CALCR: variants seen among roughly 807,000 people sequenced by gnomAD.
The protein encoded by CALCR is calcitonin receptor.
CALCR carries 47 observed loss-of-function variants against 59.5 expected under a neutral mutation model. That is an observed-to-expected ratio of 0.79 (90% confidence interval 0.63 to 1.01). The LOEUF is 1.01. Ranked by LOEUF, CALCR falls within the 50% of genes least tolerant of loss-of-function variation. The pLI is 0.00. For synonymous variants in CALCR, 213 were observed against 211.3 expected (o/e 1.01, Z -0.07); for missense variants, 566 against 597.1 (o/e 0.95, Z 0.54).
At chr7:93,455,649 C>G (rs1432227598) in intron 8 of CALCR, among the ~76,000 whole-genome samples, 2 of 151,966 alleles carry the variant, frequency 1.3e-5, no homozygotes, top group Non-Finnish European at 2.9e-5. Context: ...GAATTCTATC[C>G]TAGAAAAGAT....
At chr7:93,498,745 C>G (rs1242076791) in intron 2 of CALCR, among the ~76,000 whole-genome samples, 2 of 151,636 alleles carry the variant, frequency 1.3e-5, no homozygotes, top group Non-Finnish European at 3.0e-5. Context: ...TTCTTAGTCA[C>G]TACATATAGA....
chr7:93,573,433 G>A (rs1238324762), intron 2 of CALCR, among the ~76,000 whole-genome samples: 4 of 152,158 alleles, frequency 2.6e-5, no homozygotes, highest in African/African-American at 9.7e-5. Flanking sequence ...CTTGATTCCG[G>A]TTAACCACAG....
At chr7:93,549,438 C>T (rs944922739) in intron 2 of CALCR, among the ~76,000 whole-genome samples, 6 of 152,082 alleles carry the variant, frequency 3.9e-5, no homozygotes, top group Non-Finnish European at 8.8e-5. Flanking sequence ...TTTCCAGTTT[C>T]CTGAGCATTC....
intron 2 of CALCR, among the ~76,000 whole-genome samples, chr7:93,515,466 A>T (rs943764438): frequency 6.6e-6 from 1 of 152,024 alleles, no homozygotes; most frequent in Non-Finnish European, 1.5e-5. Flanking sequence ...TTAATGGCAC[A>T]AATAAAATAC....
chr7:93,469,372 AATGTT>A (rs1441858828), intron 6 of CALCR, among the ~76,000 whole-genome samples: 4 of 150,714 alleles, frequency 2.7e-5, no homozygotes, highest in African/African-American at 9.8e-5. Flanking sequence ...ATTCTCCCAT[AATGTT>A]ATGTTGACTC....
chr7:93,539,852 C>A (rs1217884035), intron 2 of CALCR, among the ~76,000 whole-genome samples: 2 of 152,154 alleles, frequency 1.3e-5, no homozygotes, highest in Non-Finnish European at 2.9e-5. Context: ...CTTTGTATGA[C>A]CTGAACTGGA....
intron 2 of CALCR, among the ~76,000 whole-genome samples, chr7:93,542,735 T>G: frequency 6.6e-6 from 1 of 152,250 alleles, no homozygotes. Flanking sequence ...AAATTAATTT[T>G]TTTCTTTTTA....
At chr7:93,464,844 A>T (rs1159121813) in intron 7 of CALCR, among the ~76,000 whole-genome samples, 1 of 151,966 alleles carries the variant, frequency 6.6e-6, no homozygotes, top group Non-Finnish European at 1.5e-5. Flanking sequence ...GGTGGATACT[A>T]CACAAGGTAC....
At position 93,567,181 on chromosome 7, in the gene CALCR, T is replaced by C. The variant is rs79684478; in HGVS notation, c.-27+7108A>G. On this transcript the variant is annotated intron_variant, in intron 2 of 13. Transcript: ENST00000426151. Reference sequence around the variant, plus strand: ...AATAGAAGAATGGATGTTAAGAATATGAATGAATTATTGGTTTGGAGGAAG... The same window carrying C: ...AATAGAAGAATGGATGTTAAGAATACGAATGAATTATTGGTTTGGAGGAAG... Among the ~76,000 whole-genome samples, 240 of 152,362 alleles carry C rather than the reference T, an allele frequency of 1.6e-3. 2 individuals carry two copies. The East Asian group carries it at 0.043, about 27-fold the overall frequency.
chr7:93,460,888 T>C lies in CALCR; in HGVS notation c.581A>G (p.Asn194Ser). 1.2e-6 allele frequency: 2 copies of C among 1,612,126 alleles called. No individual in the cohort carries two copies. The highest frequency in any genetic ancestry group is 1.7e-6 in the Non-Finnish European group (2 of 1,178,884). The change falls in exon 8 of 14, where the codon AAT becomes AGT. Residue 194 changes from asparagine (N) to serine (S), a missense_variant. By Grantham distance (46) the Asn-to-Ser change is conservative (BLOSUM62 1). Coordinates refer to ENST00000426151, the MANE Select transcript of CALCR (RefSeq NM_001742.4). ...HKNMFLTYIL[N>S]SMIIIIHLVE... ...CAGGTGGATGATGATAATCATAGAATTCAGAATGTAAGTAAGAAACATGTT... is the reference window on the plus strand; with the variant it reads ...CAGGTGGATGATGATAATCATAGAACTCAGAATGTAAGTAAGAAACATGTT...
chr7:93,473,590 C>CTT (rs1195826503), intron 5 of CALCR, among the ~76,000 whole-genome samples: 27 of 123,928 alleles, frequency 2.2e-4, no homozygotes, highest in Non-Finnish European at 2.6e-4. Flanking sequence ...GCCCCCCCCC[C>CTT]TTTTTTTTTT....
At chr7:93,459,775 T>TG (rs1193234118) in intron 8 of CALCR, among the ~76,000 whole-genome samples, 7 of 152,180 alleles carry the variant, frequency 4.6e-5, no homozygotes, top group African/African-American at 9.7e-5. Context: ...AAATATGGGT[T>TG]ATTCTGAACA....
intron 2 of CALCR, among the ~76,000 whole-genome samples, chr7:93,548,858 GTGTGTGTGTGTGTGTGTGTGTC>G (rs1285581140): frequency 3.7e-5 from 5 of 136,770 alleles, no homozygotes; most frequent in Admixed American, 2.9e-4. Context: ...GTGTGTGTGT[GTGTGTGTGTGTGTGTGTGTGTC>G]TGTGTGTGTG....
chr7:93,437,319 G>A (rs984876564), intron 11 of CALCR, among the ~76,000 whole-genome samples: 9 of 151,704 alleles, frequency 5.9e-5, no homozygotes, highest in African/African-American at 1.2e-4. Context: ...TTTTATAATC[G>A]TGAATTTATG....
At chr7:93,443,133 C>G (rs1799944462) in intron 9 of CALCR, among the ~76,000 whole-genome samples, 1 of 152,122 alleles carries the variant, frequency 6.6e-6, no homozygotes, top group African/African-American at 2.4e-5. Context: ...CAGCTGGACT[C>G]CACTTCCTGA....
intron 2 of CALCR, among the ~76,000 whole-genome samples, chr7:93,556,452 A>G (rs990322375): frequency 6.6e-6 from 1 of 152,098 alleles, no homozygotes; most frequent in Non-Finnish European, 1.5e-5. Flanking sequence ...AACAAAATAC[A>G]TATTTTAAAT....
Position 93,477,623 on chromosome 7 carries a change from T to C in CALCR, c.251A>G (p.Asp84Gly). The C allele has an allele frequency of 1.2e-6, 2 of 1,611,566 alleles. No individual in the cohort carries two copies. The highest frequency in any genetic ancestry group is 1.7e-6 in the Non-Finnish European group (2 of 1,178,508). ...ATAGGACAATACTCCAGCCGGTGTG[T>C]CATCCCAGCACAGCCATCCATCCCA... ...RTWDGWLCWD[D>G]TPAGVLSYQF... Residue 84 changes from aspartate (D) to glycine (G), a missense_variant, in exon 5 of 14, where the codon GAC (aspartate) becomes GGC (glycine). Coordinates refer to ENST00000426151, the MANE Select transcript of CALCR (RefSeq NM_001742.4).
intron 2 of CALCR, among the ~76,000 whole-genome samples, chr7:93,553,449 C>T (rs896329714): frequency 3.2e-4 from 49 of 151,916 alleles, no homozygotes; most frequent in African/African-American, 1.1e-3. Context: ...TTACAAAATG[C>T]ATGCCATAGA....
At chr7:93,512,281 CG>C (rs1278601983) in intron 2 of CALCR, among the ~76,000 whole-genome samples, 1 of 152,102 alleles carries the variant, frequency 6.6e-6, no homozygotes, top group Non-Finnish European at 1.5e-5. Flanking sequence ...CTGTATGGTA[CG>C]TTGCATCTTC....
Sources: gnomAD v4.1 joint callset for allele counts (sites outside exome capture counted in the v4.1 genomes callset) on GRCh38, gnomAD v4.1.1 for gene constraint, MANE v1.5 for transcripts, NCBI Gene and HGNC (gene_info 2026-07-23, HGNC 2026-07-21) for gene names.